Variants in MTMR3 observed in about 807,000 individuals in gnomAD.
The protein encoded by MTMR3 is myotubularin related protein 3.
A neutral mutation model predicts 132.4 loss-of-function variants in MTMR3; 32 were observed. The observed-to-expected ratio is 0.24, with a 90% CI of 0.18 to 0.32. The LOEUF (loss-of-function observed/expected upper bound fraction) is 0.32. MTMR3 is among the 10% of genes least tolerant of loss of function. The pLI is 1.00. For missense variants in MTMR3, 1,216 were observed against 1,489.6 expected (o/e 0.82, Z 3.02); for synonymous variants, 556 against 550.3 (o/e 1.01, Z -0.14).
intron 2 of MTMR3, among the ~76,000 whole-genome samples, chr22:29,957,870 C>G (rs1331581202): frequency 2.0e-5 from 3 of 152,256 alleles, no homozygotes; most frequent in African/African-American, 4.8e-5. Context: ...ACTACACATT[C>G]ATATGACTTT....
At chr22:29,896,178 C>T (rs768383298) in intron 1 of MTMR3, among the ~76,000 whole-genome samples, 8 of 152,156 alleles carry the variant, frequency 5.3e-5, no homozygotes, top group East Asian at 1.9e-4. Context: ...GGCATGGTGG[C>T]GGGCATGTGT....
At chr22:29,996,255 A>T (rs1327210457) in intron 7 of MTMR3, 1 of 152,262 alleles carries the variant, frequency 6.6e-6, no homozygotes, top group South Asian at 2.1e-4. Flanking sequence ...ATATAAAAAT[A>T]ATTAAAACTC....
At position 30,019,545 on chromosome 22, in the gene MTMR3, G is replaced by C; in HGVS notation, c.1886G>C (p.Ser629Thr). ...TACDNTVPLA[S>T]RRCSDPSLNE... The stretch of plus-strand genomic sequence containing the variant: ...TGTGACAACACAGTGCCTCTGGCCA[G>C]CCGGCGCTGCAGCGACCCCAGCCTG... The change falls in exon 17 of 20, where the codon AGC becomes ACC. Residue 629 changes from serine (S) to threonine (T), a missense_variant. Transcript: ENST00000401950. The C allele has an allele frequency of 6.2e-7, 1 of 1,612,754 alleles. No homozygotes were observed.
chr22:29,895,808 C>T (rs559177644), intron 1 of MTMR3, among the ~76,000 whole-genome samples: 3 of 152,240 alleles, frequency 2.0e-5, no homozygotes, highest in South Asian at 2.1e-4. Context: ...GGTGCAAGTT[C>T]GGCTTTGGGA....
chr22:29,900,084 ACAAAT>A (rs2064976377), intron 1 of MTMR3, among the ~76,000 whole-genome samples: 1 of 152,226 alleles, frequency 6.6e-6, no homozygotes, highest in Admixed American at 6.5e-5. Flanking sequence ...AGAAGAGTGC[ACAAAT>A]CAAATGTATA....
At chr22:29,954,448 G>T (rs16988122) in intron 1 of MTMR3, among the ~76,000 whole-genome samples, 1 of 151,802 alleles carries the variant, frequency 6.6e-6, no homozygotes, top group African/African-American at 2.4e-5. Context: ...TAATTTGCTC[G>T]CAATGTTTCA....
chr22:29,998,602 C>G (rs1004275653), intron 7 of MTMR3, 159 bp from the exon 8 acceptor site: 2 of 353,674 alleles, frequency 5.7e-6, no homozygotes, highest in African/African-American at 4.3e-5. Context: ...GAGATCACAC[C>G]ACTGCACTCC....
intron 2 of MTMR3, among the ~76,000 whole-genome samples, chr22:29,962,692 G>A (rs1341866702): frequency 2.0e-5 from 3 of 152,004 alleles, no homozygotes; most frequent in African/African-American, 7.2e-5. Flanking sequence ...AAACAAAACA[G>A]AACTTCATAG....
intron 1 of MTMR3, among the ~76,000 whole-genome samples, chr22:29,885,959 A>G (rs2064668982): frequency 6.6e-6 from 1 of 152,136 alleles, no homozygotes; most frequent in Non-Finnish European, 1.5e-5. Context: ...GCTTTGGTAA[A>G]TATCCTGTCA....
intron 1 of MTMR3, among the ~76,000 whole-genome samples, chr22:29,885,306 TCTC>T: frequency 6.6e-6 from 1 of 152,306 alleles, no homozygotes; most frequent in Admixed American, 6.5e-5. Context: ...AATTATGACT[TCTC>T]AGGGTGCTTT....
At chr22:30,025,579 C>G in intron 19 of MTMR3, 51 bp from the exon 20 acceptor site, 1 of 1,600,796 alleles carries the variant, frequency 6.2e-7, no homozygotes, top group Non-Finnish European at 8.6e-7. Context: ...GGTTTCCCTC[C>G]GCATACCTGC....
chr22:29,994,207 G>A (rs1412099521), intron 7 of MTMR3: 2 of 916,644 alleles, frequency 2.2e-6, no homozygotes, highest in Non-Finnish European at 2.6e-6. Context: ...GAGATTATGA[G>A]TAAGGGTTGC....
At chr22:30,003,016 C>A in intron 9 of MTMR3, 23 bp downstream of exon 9, 1 of 1,562,292 alleles carries the variant, frequency 6.4e-7, no homozygotes, top group Non-Finnish European at 8.8e-7. Context: ...GGACCAGTCC[C>A]AGCTTGGGCT....
At chr22:29,907,811 A>G (rs1417537414) in intron 1 of MTMR3, among the ~76,000 whole-genome samples, 1 of 152,080 alleles carries the variant, frequency 6.6e-6, no homozygotes, top group Non-Finnish European at 1.5e-5. Context: ...ACACACTTTG[A>G]AGGAGTCTTC....
At chr22:29,957,209 A>T (rs1022186208) in intron 2 of MTMR3, 121 bp downstream of exon 2, 1 of 147,058 alleles carries the variant, frequency 6.8e-6, no homozygotes, top group Non-Finnish European at 1.5e-5. Flanking sequence ...GTCAATGTCC[A>T]TGATTATTTA....
intron 1 of MTMR3, among the ~76,000 whole-genome samples, chr22:29,917,780 T>C (rs2065336773): frequency 6.6e-6 from 1 of 152,206 alleles, no homozygotes; most frequent in South Asian, 2.1e-4. Flanking sequence ...TATAAAAATA[T>C]TGTGCATTTA....
At position 30,025,613 on chromosome 22, in the gene MTMR3, TTTC is replaced by T. The variant is rs1367801096; in HGVS notation, c.3426-12_3426-10del. On this transcript the variant is annotated splice_polypyrimidine_tract_variant and intron_variant, in intron 19 of 19. Coordinates refer to ENST00000401950, the MANE Select transcript of MTMR3 (RefSeq NM_021090.4). ...GCTGGCCAAAACTAACATTGTTCTG[TTTC>T]TTCTCATCTCAAGGAATTGTGGGAA... 1.2e-6 allele frequency: 2 copies of T among 1,614,038 alleles called. No individual in the cohort carries two copies. The highest frequency in any genetic ancestry group is 2.2e-5 in the South Asian group (2 of 91,084).
chr22:30,008,187 A>T, intron 11 of MTMR3, 155 bp downstream of exon 11: 1 of 943,700 alleles, frequency 1.1e-6, no homozygotes. Context: ...GATTCTTAAC[A>T]CTGTATGTTC....
chr22:30,016,585 G>C lies in MTMR3; in HGVS notation c.1561G>C (p.Ala521Pro). Residue 521 changes from alanine (A) to proline (P), a missense_variant, in exon 15 of 20, where the codon GCC becomes CCC. Physicochemically the swap from Ala to Pro is conservative, Grantham distance 27 (BLOSUM62 -1). Transcript: ENST00000401950. ...GTTTGGAACATTCCTGTGCAACAACGCCAAGGAGAGAGGGGAAAAGCATAC... is the reference window on the plus strand; with the variant it reads ...GTTTGGAACATTCCTGTGCAACAACCCCAAGGAGAGAGGGGAAAAGCATAC... ...CLFGTFLCNN[A>P]KERGEKHTQE... 1 of 1,614,118 alleles carries C rather than the reference G, an allele frequency of 6.2e-7. No homozygotes were observed. The highest frequency in any genetic ancestry group is 8.5e-7 in the Non-Finnish European group (1 of 1,180,024).
Sources: gnomAD v4.1 joint callset for allele counts (sites outside exome capture counted in the v4.1 genomes callset) on GRCh38, gnomAD v4.1.1 for gene constraint, MANE v1.5 for transcripts, NCBI Gene and HGNC (gene_info 2026-07-23, HGNC 2026-07-21) for gene names.